ATP2B2: variants seen among roughly 807,000 people sequenced by gnomAD.
The protein encoded by ATP2B2 is plasma membrane calcium-transporting ATPase 2.
Under a neutral mutation model 120.0 loss-of-function variants are expected in ATP2B2, and 15 were observed. The observed-to-expected ratio is 0.12, with a 90% CI of 0.08 to 0.19. The LOEUF (loss-of-function observed/expected upper bound fraction) is 0.19. Ranked by LOEUF, ATP2B2 falls within the 10% of genes least tolerant of loss-of-function variation. The pLI, the probability that ATP2B2 is intolerant of heterozygous loss-of-function variation, is 1.00. For synonymous variants in ATP2B2, 694 were observed against 700.3 expected (o/e 0.99, Z 0.14); for missense variants, 1,045 against 1,719.8 (o/e 0.61, Z 6.94).
chr3:10,487,861 A>G (rs1343801933), intron 1 of ATP2B2, among the ~76,000 whole-genome samples: 3 of 152,166 alleles, frequency 2.0e-5, no homozygotes, highest in African/African-American at 7.2e-5. Flanking sequence ...ACTGCCTCTG[A>G]GTAAAATTTT....
intron 1 of ATP2B2, among the ~76,000 whole-genome samples, chr3:10,476,357 C>G (rs530418298): frequency 9.8e-5 from 15 of 152,324 alleles, no homozygotes; most frequent in African/African-American, 3.1e-4. Flanking sequence ...GCCCTCACCC[C>G]ACAAGGACTC....
intron 1 of ATP2B2, among the ~76,000 whole-genome samples, chr3:10,450,677 G>GA (rs1022023558): frequency 4.7e-5 from 7 of 148,110 alleles, no homozygotes; most frequent in African/African-American, 1.9e-4. Flanking sequence ...CTGGCAGGGG[G>GA]AGGGGGGTCC....
At chr3:10,522,467 T>C (rs570426380) in intron 3 of ATP2B2, among the ~76,000 whole-genome samples, 1 of 152,320 alleles carries the variant, frequency 6.6e-6, no homozygotes, top group East Asian at 1.9e-4. Flanking sequence ...CCCTTCTACC[T>C]CCTGGTCATT....
chr3:10,552,904 T>C (rs538960547), intron 2 of ATP2B2, among the ~76,000 whole-genome samples: 1 of 151,008 alleles, frequency 6.6e-6, no homozygotes, highest in South Asian at 2.1e-4. Flanking sequence ...CTATGTGCTG[T>C]CTCATTTACT....
chr3:10,537,631 A>T (rs2067348093), intron 2 of ATP2B2, among the ~76,000 whole-genome samples: 1 of 152,186 alleles, frequency 6.6e-6, no homozygotes, highest in African/African-American at 2.4e-5. Context: ...GTCATCTGCA[A>T]ACAGGGAGAG....
At chr3:10,332,383 C>T (rs749834571) in intron 22 of ATP2B2, 11 of 295,752 alleles carry the variant, frequency 3.7e-5, no homozygotes, top group Non-Finnish European at 5.2e-5. Flanking sequence ...CTGATAAACA[C>T]GGAGCCTGCT....
intron 1 of ATP2B2, among the ~76,000 whole-genome samples, chr3:10,638,313 A>G (rs369198753): frequency 3.5e-4 from 54 of 152,356 alleles, no homozygotes; most frequent in African/African-American, 1.1e-3. Flanking sequence ...GGTGTTTAAA[A>G]TACATGCAAA....
At chr3:10,688,307 C>G (rs1264864358) in intron 1 of ATP2B2, among the ~76,000 whole-genome samples, 22 of 152,182 alleles carry the variant, frequency 1.4e-4, no homozygotes, top group Admixed American at 1.4e-3. Context: ...TGAGCTCCAG[C>G]CCAGCAGAGG....
intron 3 of ATP2B2, among the ~76,000 whole-genome samples, chr3:10,408,460 G>C (rs2062493729): frequency 6.6e-6 from 1 of 152,168 alleles, no homozygotes; most frequent in Admixed American, 6.5e-5. Flanking sequence ...CAGGGCGTGG[G>C]CTTCCGGAGA....
intron 2 of ATP2B2, among the ~76,000 whole-genome samples, chr3:10,580,201 C>T (rs73811930): frequency 0.027 from 4,157 of 152,244 alleles, 77 homozygotes; most frequent in Admixed American, 0.042. Context: ...GTCAGTGTGA[C>T]CCCAAATCCT....
At chr3:10,521,810 T>G (rs1457547468) in intron 3 of ATP2B2, among the ~76,000 whole-genome samples, 1 of 152,250 alleles carries the variant, frequency 6.6e-6, no homozygotes, top group Non-Finnish European at 1.5e-5. Context: ...ACTTTCAGAA[T>G]GCCTACTCTG....
At chr3:10,686,750 A>G (rs2071534458) in intron 1 of ATP2B2, among the ~76,000 whole-genome samples, 1 of 152,144 alleles carries the variant, frequency 6.6e-6, no homozygotes, top group East Asian at 1.9e-4. Context: ...GAATCACCCT[A>G]TTTCACAGAT....
chr3:10,368,833 TCCC>T (rs1197364773), intron 12 of ATP2B2, among the ~76,000 whole-genome samples: 2 of 151,964 alleles, frequency 1.3e-5, no homozygotes, highest in South Asian at 2.1e-4. Context: ...CATCCATCCA[TCCC>T]CCCTTCTCCC....
intron 1 of ATP2B2, among the ~76,000 whole-genome samples, chr3:10,704,666 T>C (rs543389196): frequency 1.3e-5 from 2 of 152,348 alleles, no homozygotes; most frequent in Non-Finnish European, 2.9e-5. Flanking sequence ...GCTCCCTTTT[T>C]TGGGTTCAGT....
Position 10,401,094 on chromosome 3 carries a change from G to T in ATP2B2, c.656-16C>A. The T allele has an allele frequency of 1.9e-6, 3 of 1,613,638 alleles. No homozygotes were observed. Among genetic ancestry groups the T allele is most frequent in the Non-Finnish European group, 2.5e-6 (3 of 1,179,778 alleles). On this transcript the variant is annotated splice_polypyrimidine_tract_variant and intron_variant, in intron 4 of 22. Transcript: ENST00000360273. Reference sequence around the variant, plus strand: ...AGGAGGTCACCTGGCAAGAGGAAGGGCAGGGGAGTCAGCAGGCTCTCAGGT... The same window carrying T: ...AGGAGGTCACCTGGCAAGAGGAAGGTCAGGGGAGTCAGCAGGCTCTCAGGT...
At chr3:10,401,893 T>A (rs530839976) in intron 4 of ATP2B2, among the ~76,000 whole-genome samples, 198 bp downstream of exon 4, 2 of 152,322 alleles carry the variant, frequency 1.3e-5, no homozygotes, top group East Asian at 3.9e-4. Flanking sequence ...CATTTCTGAT[T>A]TAAATGGATT....
chr3:10,448,652 T>C (rs1208044898), intron 2 of ATP2B2, among the ~76,000 whole-genome samples: 2 of 152,134 alleles, frequency 1.3e-5, no homozygotes, highest in East Asian at 3.9e-4. Flanking sequence ...AGGCAGGACA[T>C]ACAAGGACAT....
intron 1 of ATP2B2, among the ~76,000 whole-genome samples, chr3:10,474,477 G>A (rs182432311): frequency 2.2e-4 from 34 of 152,326 alleles, no homozygotes; most frequent in African/African-American, 7.9e-4. Context: ...AGCCAGAGAA[G>A]GGAAAAGACT....
chr3:10,576,394 T>G (rs1255128940), intron 2 of ATP2B2, among the ~76,000 whole-genome samples: 1 of 152,156 alleles, frequency 6.6e-6, no homozygotes, highest in African/African-American at 2.4e-5. Flanking sequence ...TTATTGTTAT[T>G]TTTTGAGACA....
Sources: allele counts gnomAD v4.1 joint callset (sites outside exome capture counted in the v4.1 genomes callset), GRCh38; gene constraint gnomAD v4.1.1; transcripts MANE v1.5; gene names NCBI Gene and HGNC (gene_info 2026-07-23, HGNC 2026-07-21).